PCDHGA8: variants seen among roughly 807,000 people sequenced by gnomAD.
The protein encoded by PCDHGA8 is protocadherin gamma-A8.
A neutral mutation model predicts 59.2 loss-of-function variants in PCDHGA8; 45 were observed. The ratio of observed to expected loss-of-function variants is 0.76; its 90% CI spans 0.60 to 0.98. The LOEUF is 0.98. PCDHGA8 is among the 50% of genes least tolerant of loss of function. The pLI is 0.00. For synonymous variants in PCDHGA8, 531 were observed against 519.0 expected, an observed-to-expected ratio of 1.02 and a Z score of -0.32; for missense variants, 1,257 against 1,196.2, an observed-to-expected ratio of 1.05 and a Z score of -0.75.
chr5:141,418,781 G>C, intron 1 of PCDHGA8: 1 of 1,613,716 alleles, frequency 6.2e-7, no homozygotes, highest in African/African-American at 1.3e-5. Context: ...GCAGCCTTTG[G>C]ATTTTGAAGA....
rs771162532 is a variant in PCDHGA8, at chr5:141,491,756, C to A, written c.2425-3051C>A. On this transcript the variant is annotated intron_variant, in intron 1 of 3. Transcript: ENST00000398604. The surrounding 1 kb of genome is among the most constrained non-coding windows in gnomAD (Gnocchi z 6.9). ...CCTGGGGGCGGCACTGGAGAAGCCGCCCGTCCTCATAAGGGATTGAACTTG... is the reference window on the plus strand; with the variant it reads ...CCTGGGGGCGGCACTGGAGAAGCCGACCGTCCTCATAAGGGATTGAACTTG... The A allele has an allele frequency of 6.3e-7, 1 of 1,581,720 alleles. No individual in the cohort carries two copies. Among genetic ancestry groups the A allele is most frequent in the Middle Eastern group, 1.7e-4 (1 of 5,958 alleles).
chr5:141,473,349 T>G (rs2099319716), intron 1 of PCDHGA8, among the ~76,000 whole-genome samples: 1 of 152,232 alleles, frequency 6.6e-6, no homozygotes, highest in Non-Finnish European at 1.5e-5. Context: ...ACAGTGAGGA[T>G]GCAAGTGGCC....
rs768079276 is a variant in PCDHGA8, at chr5:141,490,997, G to A, written c.2425-3810G>A. On this transcript the variant is annotated intron_variant, in intron 1 of 3. Transcript: ENST00000398604. The surrounding 1 kb of genome is among the most constrained non-coding windows in gnomAD (Gnocchi z 5.4). ...CGTCTCCCTCGCTCTGCTCCTCCTG[G>A]CTCCTTGGTCACCAAGGTGACAGCC... 1.2e-6 allele frequency: 2 copies of A among 1,614,032 alleles called. No individual in the cohort carries two copies. Among genetic ancestry groups the A allele is most frequent in the Admixed American group, 1.7e-5 (1 of 60,030 alleles).
rs1228076034 is a variant in PCDHGA8 at position 141,393,798 on chromosome 5, G to C, written c.985G>C (p.Gly329Arg). 2 of 1,613,876 alleles carry C rather than the reference G, an allele frequency of 1.2e-6. No individual in the cohort carries two copies. The highest frequency in any genetic ancestry group is 1.7e-6 in the Non-Finnish European group (2 of 1,179,882). Residue 329 changes from glycine to arginine, a missense_variant, in exon 1 of 4, where the codon GGG (glycine) becomes CGG (arginine). Transcript: ENST00000398604. The stretch of plus-strand genomic sequence containing the variant: ...AGCCGAAGATGTGGGGGCACTTCTG[G>C]GGAGGACCAAATTGCTCATTTCGGT... Reference protein sequence around the residue: ...IQAEDVGALLGRTKLLISVED... With the variant: ...IQAEDVGALLRRTKLLISVED...
chr5:141,393,989 T>G lies in PCDHGA8; in HGVS notation c.1176T>G (p.Phe392Leu). Residue 392 changes from phenylalanine (F) to leucine (L), a missense_variant, in exon 1 of 4, where the codon TTT (phenylalanine) becomes TTG (leucine). Transcript: ENST00000398604. ...VVCYTRDNLPFKLEKSIGNYY... is the reference protein window; with the variant it reads ...VVCYTRDNLPLKLEKSIGNYY... ...GTTACACACGTGATAATTTACCTTT[T>G]AAATTAGAAAAGTCAATAGGTAATT... The G allele has an allele frequency of 6.2e-7, 1 of 1,613,634 alleles. No homozygotes were observed. The highest frequency in any genetic ancestry group is 8.5e-7 in the Non-Finnish European group (1 of 1,179,726).
chr5:141,448,323 A>G (rs2098582223), intron 1 of PCDHGA8, among the ~76,000 whole-genome samples: 1 of 152,080 alleles, frequency 6.6e-6, no homozygotes, highest in Non-Finnish European at 1.5e-5. Flanking sequence ...TTTTCTTTGA[A>G]TCTTTATAGC....
chr5:141,486,140 C>T lies in PCDHGA8; in HGVS notation c.2425-8667C>T, dbSNP rs759476505. On this transcript the variant is annotated intron_variant, in intron 1 of 3. Coordinates refer to ENST00000398604, the MANE Select transcript of PCDHGA8 (RefSeq NM_032088.2). The surrounding 1 kb of genome is among the most constrained non-coding windows in gnomAD (Gnocchi z 5.0). ...TTACTATGAATTTGATGTGCGGGCT[C>T]GCGATGGGGGTTCTCCAGCCATGGA... 1 of 1,614,164 alleles carries T rather than the reference C, an allele frequency of 6.2e-7. No individual in the cohort carries two copies. The highest frequency in any genetic ancestry group is 1.3e-5 in the African/African-American group (1 of 75,030).
chr5:141,511,342 C>T lies in PCDHGA8; in HGVS notation c.*169C>T. On this transcript the variant is annotated 3_prime_UTR_variant, in exon 4 of 4. Transcript: ENST00000398604. The stretch of plus-strand genomic sequence containing the variant: ...AACAAGTGCCCAGTCAGCACCTACC[C>T]CTTCCCCCCCAGGGGGTTGAATATG... The T allele has an allele frequency of 7.0e-7, 1 of 1,425,078 alleles. No individual in the cohort carries two copies. Among genetic ancestry groups the T allele is most frequent in the East Asian group, 2.5e-5 (1 of 40,014 alleles). 88.3% of individuals were successfully genotyped at this position (1,425,078 alleles called of 1,614,324 possible). A position where few individuals can be genotyped will look rare whatever the true frequency, so the allele number is the denominator to read the frequency against.
At chr5:141,400,036 C>G (rs1232257433) in intron 1 of PCDHGA8, 28 of 1,613,256 alleles carry the variant, frequency 1.7e-5, no homozygotes, top group Non-Finnish European at 2.4e-5. Context: ...GGCCCGCCAG[C>G]GCCTGCTGGT....
intron 1 of PCDHGA8, among the ~76,000 whole-genome samples, chr5:141,484,797 G>C (rs1228143036): frequency 6.6e-6 from 1 of 152,064 alleles, no homozygotes; most frequent in Non-Finnish European, 1.5e-5. Flanking sequence ...ATAACAACCC[G>C]TGGAAAAACA....
In PCDHGA8 at chr5:141,489,129, T is replaced by G; in HGVS notation, c.2425-5678T>G. On this transcript the variant is annotated intron_variant, in intron 1 of 3. Coordinates refer to ENST00000398604, the MANE Select transcript of PCDHGA8 (RefSeq NM_032088.2). This position sits in a 1 kb window ranked among gnomAD's most constrained non-coding sequence, Gnocchi z 4.5. ...AAGCAGGCAAACCTCCGAGCAGTTT[T>G]TAAGAGGCTGGAAGGAGACATAAGA... 1 of 761,976 alleles carries G rather than the reference T, an allele frequency of 1.3e-6. No homozygotes were observed. The highest frequency in any genetic ancestry group is 2.0e-6 in the Non-Finnish European group (1 of 490,014). The allele number at this position is 761,976 out of a possible 1,614,324, so 47.2% of individuals were successfully genotyped here.
In PCDHGA8 at chr5:141,392,633, A is replaced by T. The variant is rs2092567816; in HGVS notation, c.-181A>T. ...ATGCAACCGAAAACACTCAGATCTCACACCTCACGAAGACCCGCAGATGCC... is the reference window on the plus strand; with the variant it reads ...ATGCAACCGAAAACACTCAGATCTCTCACCTCACGAAGACCCGCAGATGCC... On this transcript the variant is annotated 5_prime_UTR_variant, in exon 1 of 4. Coordinates refer to ENST00000398604, the MANE Select transcript of PCDHGA8 (RefSeq NM_032088.2). The T allele has an allele frequency of 1.6e-6, 1 of 610,728 alleles. No homozygotes were observed. Among genetic ancestry groups the T allele is most frequent in the African/African-American group, 1.9e-5 (1 of 53,676 alleles). The allele number at this position is 610,728 out of a possible 1,614,324, so 37.8% of individuals were successfully genotyped here. A position where few individuals can be genotyped will look rare whatever the true frequency, so the allele number is the denominator to read the frequency against.
chr5:141,488,186 G>T (rs1005725656), intron 1 of PCDHGA8, among the ~76,000 whole-genome samples: 2 of 152,180 alleles, frequency 1.3e-5, no homozygotes, highest in South Asian at 2.1e-4. Context: ...AGATCTTTTG[G>T]TCTGGGTCTT....
chr5:141,462,253 A>C (rs7717600), intron 1 of PCDHGA8, among the ~76,000 whole-genome samples: 42,489 of 152,124 alleles, frequency 0.28, 6,669 homozygotes, highest in African/African-American at 0.43. Context: ...AGCCACCATG[A>C]CCAGCCTAAA....
Position 141,450,006 on chromosome 5 carries a change from C to CTATTTTTT in PCDHGA8, c.2425-44800_2425-44799insATTTTTTT, listed in dbSNP as rs70988802. Among the ~76,000 whole-genome samples the CTATTTTTT allele has an allele frequency of 4.4e-4, 58 of 132,942 alleles. 2 individuals carry two copies. The highest frequency in any genetic ancestry group is 8.4e-4 in the African/African-American group (30 of 35,608). The allele number at this position is 132,942 out of a possible 152,430, so 87.2% of individuals were successfully genotyped here. A position where few individuals can be genotyped will look rare whatever the true frequency, so the allele number is the denominator to read the frequency against. ...CACATTGCATTTAGTTGCCATGTCT[C>CTATTTTTT]TTTTTTTTTTTTTTTTTTGAGACAG... On this transcript the variant is annotated intron_variant, in intron 1 of 3. Coordinates refer to ENST00000398604, the MANE Select transcript of PCDHGA8 (RefSeq NM_032088.2).
At position 141,399,354 on chromosome 5, in the gene PCDHGA8, G is replaced by A. The variant is rs559321354; in HGVS notation, c.2424+4117G>A. The A allele has an allele frequency of 3.7e-6, 6 of 1,614,008 alleles. No homozygotes were observed. The Admixed American group carries it at 1.0e-4, about 27-fold the overall frequency. On this transcript the variant is annotated intron_variant, in intron 1 of 3. Coordinates refer to ENST00000398604, the MANE Select transcript of PCDHGA8 (RefSeq NM_032088.2). ...TAACAGATGGAACCCTAGACCGAGA[G>A]CAAACCCCGGAGTACAATGTCACCA...
At chr5:141,469,807 T>C (rs1294838215) in intron 1 of PCDHGA8, among the ~76,000 whole-genome samples, 1 of 152,070 alleles carries the variant, frequency 6.6e-6, no homozygotes, top group African/African-American at 2.4e-5. Context: ...AAAAACATTG[T>C]AGATAGAATG....
chr5:141,421,312 GC>G, intron 1 of PCDHGA8: 1 of 1,613,748 alleles, frequency 6.2e-7, no homozygotes, highest in Non-Finnish European at 8.5e-7. Flanking sequence ...GGGGTTCCGG[GC>G]CAGGCAGATC....
chr5:141,409,441 G>A (rs1432743588), intron 1 of PCDHGA8: 1 of 1,613,884 alleles, frequency 6.2e-7, no homozygotes, highest in Admixed American at 1.7e-5. Context: ...TGGACCGAGA[G>A]CAGACACCAG....
Sources: allele counts gnomAD v4.1 joint callset (sites outside exome capture counted in the v4.1 genomes callset), GRCh38; gene constraint gnomAD v4.1.1; non-coding constraint Gnocchi (gnomAD v3.1); transcripts MANE v1.5; gene names NCBI Gene and HGNC (gene_info 2026-07-23, HGNC 2026-07-21).